Variants in ARHGEF1 observed in about 807,000 individuals in gnomAD.
ARHGEF1 encodes the protein Rho guanine nucleotide exchange factor 1, also known as 115 kDa guanine nucleotide exchange factor.
ARHGEF1 carries 40 observed loss-of-function variants against 119.7 expected under a neutral mutation model. That is an observed-to-expected ratio of 0.33 (90% confidence interval 0.26 to 0.44). The LOEUF is 0.44. Among genes scored for constraint, ARHGEF1 ranks in the 20% least tolerant of loss-of-function variants. The pLI, the probability that ARHGEF1 is intolerant of heterozygous loss-of-function variation, is 1.00. For missense variants in ARHGEF1, 976 were observed against 1,268.3 expected (o/e 0.77, Z 3.50); for synonymous variants, 494 against 521.0 (o/e 0.95, Z 0.71).
At chr19:41,897,210 CT>C in intron 13 of ARHGEF1, 1 of 1,174,906 alleles carries the variant, frequency 8.5e-7, no homozygotes, top group Non-Finnish European at 1.1e-6. Flanking sequence ...GCTCTGCCTC[CT>C]GCCCGTCCTT....
At chr19:41,921,712 C>T (rs151103414), upstream of ARHGEF1, among the ~76,000 whole-genome samples, 10 of 152,128 alleles carry the variant, frequency 6.6e-5, no homozygotes, top group South Asian at 2.1e-4. This position sits in a 1 kb window ranked among gnomAD's most constrained non-coding sequence, Gnocchi z 4.4. Flanking sequence ...GGGATGCAGG[C>T]GAGCCCGGCC....
chr19:41,897,911 A>ATCTGCCTGACTCTGTCCTTGGCC, intron 13 of ARHGEF1: 1 of 1,283,078 alleles, frequency 7.8e-7, no homozygotes, highest in East Asian at 3.1e-5. Context: ...TGTCCCCGGC[A>ATCTGCCTGACTCTGTCCTTGGCC]TCTGCCTGAC....
rs2074447069 is a variant in ARHGEF1, at chr19:41,894,617, T to C, written c.842-9T>C. ...CTCCCACTCACTGTCTCATTCTCTCTCGTTTCAGTTCCAGATTTTCGACAC... is the reference window on the plus strand; with the variant it reads ...CTCCCACTCACTGTCTCATTCTCTCCCGTTTCAGTTCCAGATTTTCGACAC... On this transcript the variant is annotated splice_polypyrimidine_tract_variant and intron_variant, in intron 10 of 28. Transcript: ENST00000354532. 6.2e-7 allele frequency: 1 copy of C among 1,613,932 alleles called. No homozygotes were observed. The highest frequency in any genetic ancestry group is 8.5e-7 in the Non-Finnish European group (1 of 1,179,944).
exon 1 of ARHGEF1, chr19:41,923,189 G>C (rs1555852800): frequency 2.2e-6 from 1 of 456,334 alleles, no homozygotes; most frequent in African/African-American, 2.0e-5. Flanking sequence ...AAAGTAACTT[G>C]GCCAAAGTCC....
chr19:41,909,935 T>G, downstream of ARHGEF1: 1 of 1,613,920 alleles, frequency 6.2e-7, no homozygotes, highest in Non-Finnish European at 8.5e-7. This position sits in a 1 kb window ranked among gnomAD's most constrained non-coding sequence, Gnocchi z 5.2. Context: ...CCGGGCCACC[T>G]CATCGGGGTC....
downstream of ARHGEF1, chr19:41,908,630 G>T: frequency 8.1e-7 from 1 of 1,231,692 alleles, no homozygotes; most frequent in Non-Finnish European, 1.0e-6. This position sits in a 1 kb window ranked among gnomAD's most constrained non-coding sequence, Gnocchi z 6.7. Context: ...GGAAGGCGCG[G>T]CCATAAGGAC....
chr19:41,909,771 A>C, downstream of ARHGEF1: 6 of 1,388,622 alleles, frequency 4.3e-6, no homozygotes, highest in Non-Finnish European at 5.8e-6. The surrounding 1 kb of genome is among the most constrained non-coding windows in gnomAD (Gnocchi z 5.2). Flanking sequence ...TGTGGGATCC[A>C]GCAGGAACCT....
intron 1 of ARHGEF1, among the ~76,000 whole-genome samples, chr19:41,887,089 A>G (rs1431024651): frequency 1.3e-5 from 2 of 152,134 alleles, no homozygotes; most frequent in African/African-American, 4.8e-5. Context: ...AGGTGTGAGG[A>G]TGGTGGCTGC....
In ARHGEF1 at chr19:41,916,060, G is replaced by A. The variant is rs1318693372; in HGVS notation, c.1866-7032G>A. On this transcript the variant is annotated intron_variant, in intron 18 of 20. Coordinates refer to the ARHGEF1 transcript ENST00000599589. The surrounding 1 kb of genome is among the most constrained non-coding windows in gnomAD (Gnocchi z 5.4). ...CTCTACCGCCCGCAGCCATGGCACC[G>A]AATGTGTGTGCGCATGTGAGCGAAG... Among the ~76,000 whole-genome samples the A allele has an allele frequency of 4.7e-5, 7 of 148,284 alleles. No individual in the cohort carries two copies. Among genetic ancestry groups the A allele is most frequent in the Admixed American group, 6.7e-5 (1 of 14,846 alleles).
chr19:41,907,431 T>TAATA lies in ARHGEF1; in HGVS notation c.*345_*348dup, dbSNP rs781803826. ...TACCCTGAATTGGAGGTTTATTTTT[T>TAATA]AATATATATTATCTAAGAAGAGATC... is the stretch of plus-strand genomic sequence containing the variant. On this transcript the variant is annotated 3_prime_UTR_variant, in exon 29 of 29. Transcript: ENST00000354532. The TAATA allele has an allele frequency of 3.1e-5, 47 of 1,524,786 alleles. No individual in the cohort carries two copies. In the African/African-American group the frequency reaches 5.7e-4, roughly 18 times the overall value. 94.5% of individuals were successfully genotyped at this position (1,524,786 alleles called of 1,614,324 possible). A position where few individuals can be genotyped will look rare whatever the true frequency, so the allele number is the denominator to read the frequency against.
In ARHGEF1 at chr19:41,902,652, C is replaced by T. The variant is rs2074622905; in HGVS notation, c.1617C>T (p.Phe539=). ...KQRKDPRFCA[F]VQEAESRPRC... ...GCAAGGACCCTCGGTTCTGTGCCTT[C>T]GTGCAGGTGAGGTGGGGTCTGGACT... Residue 539 remains phenylalanine (F), a synonymous_variant, in exon 17 of 29, where the codon TTC becomes TTT. Transcript: ENST00000354532. The surrounding 1 kb of genome is among the most constrained non-coding windows in gnomAD (Gnocchi z 6.5). 1.2e-5 allele frequency: 20 copies of T among 1,614,104 alleles called. No individual in the cohort carries two copies. Among genetic ancestry groups the T allele is most frequent in the Non-Finnish European group, 1.6e-5 (19 of 1,180,034 alleles).
At position 41,928,909 on chromosome 19, in the gene ARHGEF1, T is replaced by TG. The variant is rs2074889208; in HGVS notation, c.221dup (p.Asp75GlyfsTer15). 2.2e-6 allele frequency: 1 copy of TG among 456,156 alleles called. No individual in the cohort carries two copies. The highest frequency in any genetic ancestry group is 4.4e-6 in the Non-Finnish European group (1 of 226,768). The allele number at this position is 456,156 out of a possible 1,614,324, so 28.3% of individuals were successfully genotyped here. A position where few individuals can be genotyped will look rare whatever the true frequency, so the allele number is the denominator to read the frequency against. ...AGGACCCCTGCTGGACACGCAAGCC[T>TG]GGACCGGGACTGGAACACGGACCCG... On this transcript the variant is annotated frameshift_variant, in exon 2 of 3. Coordinates refer to the ARHGEF1 transcript ENST00000594417. LOFTEE classifies it high-confidence loss of function.
rs782526874 is a variant in ARHGEF1 at position 41,906,788 on chromosome 19, G to A, written c.*2G>A. On this transcript the variant is annotated 3_prime_UTR_variant, in exon 28 of 29. Transcript: ENST00000354532. This position sits in a 1 kb window ranked among gnomAD's most constrained non-coding sequence, Gnocchi z 4.5. Reference sequence around the variant, plus strand: ...GTCCCCCAGCCTGGCTGCACTTGAGGTTCCCGCCCAGGAAGGTGAGTGGGG... The same window carrying A: ...GTCCCCCAGCCTGGCTGCACTTGAGATTCCCGCCCAGGAAGGTGAGTGGGG... The A allele has an allele frequency of 6.2e-6, 10 of 1,609,764 alleles. No homozygotes were observed. The highest frequency in any genetic ancestry group is 1.7e-5 in the Admixed American group (1 of 59,244).
intron 14 of ARHGEF1, among the ~76,000 whole-genome samples, chr19:41,901,392 C>T (rs782180476): frequency 1.3e-5 from 2 of 150,738 alleles, no homozygotes; most frequent in Non-Finnish European, 3.0e-5. Context: ...CCTTGTGATC[C>T]ACCTGCCTCA....
Position 41,889,158 on chromosome 19 carries a change from A to C in ARHGEF1, c.225+293A>C. ...AGCAGCCTGGCAGAAACCACATCCC[A>C]TCCCACTCTGTGCCTGTGGCAGCGC... On this transcript the variant is annotated intron_variant, in intron 4 of 28. Transcript: ENST00000354532. The surrounding 1 kb of genome is among the most constrained non-coding windows in gnomAD (Gnocchi z 4.0). 1 of 303,568 alleles carries C rather than the reference A, an allele frequency of 3.3e-6. No individual in the cohort carries two copies. The highest frequency in any genetic ancestry group is 6.2e-6 in the Non-Finnish European group (1 of 160,702). The allele number at this position is 303,568 out of a possible 1,614,324, so 18.8% of individuals were successfully genotyped here. A position where few individuals can be genotyped will look rare whatever the true frequency, so the allele number is the denominator to read the frequency against.
At chr19:41,929,842 G>A (rs953858793) in exon 3 of ARHGEF1, 1 of 152,248 alleles carries the variant, frequency 6.6e-6, no homozygotes, top group Non-Finnish European at 1.5e-5. Flanking sequence ...CAGCGCCCAG[G>A]TGCTGAGACC....
At chr19:41,914,503 C>T (rs1049712367) in intron 18 of ARHGEF1, among the ~76,000 whole-genome samples, 1 of 151,798 alleles carries the variant, frequency 6.6e-6, no homozygotes, top group Non-Finnish European at 1.5e-5. Context: ...GTGTGTCCAT[C>T]TCTGTCTCCC....
At position 41,906,057 on chromosome 19, in the gene ARHGEF1, C is replaced by T; in HGVS notation, c.2491+32C>T. 2 of 1,591,654 alleles carry T rather than the reference C, an allele frequency of 1.3e-6. No individual in the cohort carries two copies. Among genetic ancestry groups the T allele is most frequent in the Admixed American group, 1.7e-5 (1 of 59,934 alleles). ...CAGCTCTGCCCCTCCAGGGTGGCCA[C>T]CAGCCCAAACAGTGCCTCTGTTCCA... On this transcript the variant is annotated intron_variant, in intron 26 of 28. Coordinates refer to ENST00000354532, the MANE Select transcript of ARHGEF1 (RefSeq NM_004706.4). This position sits in a 1 kb window ranked among gnomAD's most constrained non-coding sequence, Gnocchi z 4.5.
intron 4 of ARHGEF1, chr19:41,890,149 G>A (rs143604307): frequency 7.9e-5 from 12 of 152,288 alleles, no homozygotes; most frequent in African/African-American, 2.6e-4. Flanking sequence ...TGCTATATTT[G>A]GGGGGTGTGA....
Sources: gnomAD v4.1 joint callset for allele counts (sites outside exome capture counted in the v4.1 genomes callset) on GRCh38, gnomAD v4.1.1 for gene constraint, Gnocchi (gnomAD v3.1) non-coding constraint, MANE v1.5 for transcripts, NCBI Gene and HGNC (gene_info 2026-07-23, HGNC 2026-07-21) for gene names.